SORCS2: variants seen among roughly 807,000 people sequenced by gnomAD.
The protein encoded by SORCS2 is VPS10 domain-containing receptor SorCS2.
A neutral mutation model predicts 141.6 loss-of-function variants in SORCS2; 100 were observed. The ratio of observed to expected loss-of-function variants is 0.71; its 90% confidence interval spans 0.60 to 0.83. SORCS2 has a LOEUF of 0.83. Among genes scored for constraint, SORCS2 ranks in the 40% least tolerant of loss-of-function variants. The pLI is 0.00. For synonymous variants in SORCS2, 789 were observed against 676.9 expected (o/e 1.17, Z -2.57); for missense variants, 1,646 against 1,560.2 (o/e 1.05, Z -0.93).
chr4:7,389,141 A>T (rs1388716483), intron 1 of SORCS2, among the ~76,000 whole-genome samples: 1 of 152,032 alleles, frequency 6.6e-6, no homozygotes, highest in Non-Finnish European at 1.5e-5. Context: ...GTTCCTGCCC[A>T]TCCTGCCTGC....
At chr4:7,552,700 C>T (rs964015833) in intron 3 of SORCS2, among the ~76,000 whole-genome samples, 1 of 152,158 alleles carries the variant, frequency 6.6e-6, no homozygotes, top group African/African-American at 2.4e-5. Flanking sequence ...CATCTCCTCA[C>T]TCATGCACGC....
chr4:7,593,764 C>G (rs901036482), intron 3 of SORCS2, among the ~76,000 whole-genome samples: 1 of 152,160 alleles, frequency 6.6e-6, no homozygotes, highest in Non-Finnish European at 1.5e-5. Flanking sequence ...TGCAGCTGAG[C>G]GGCTGTAACT....
intron 3 of SORCS2, among the ~76,000 whole-genome samples, chr4:7,586,970 A>G (rs1716577745): frequency 6.6e-6 from 1 of 151,984 alleles, no homozygotes. Flanking sequence ...TGGACTGTAG[A>G]GCTCAGAGTA....
chr4:7,443,171 A>G (rs1285077958), intron 2 of SORCS2, among the ~76,000 whole-genome samples: 2 of 152,228 alleles, frequency 1.3e-5, no homozygotes, highest in Non-Finnish European at 2.9e-5. Flanking sequence ...CACAGGTACC[A>G]GGGTTAGGAC....
At chr4:7,516,524 G>C (rs1732993199) in intron 2 of SORCS2, among the ~76,000 whole-genome samples, 1 of 152,012 alleles carries the variant, frequency 6.6e-6, no homozygotes, top group Non-Finnish European at 1.5e-5. Flanking sequence ...TGCGTCTGCA[G>C]ATTTTATCCG....
chr4:7,192,994 C>G lies in SORCS2; in HGVS notation c.348C>G (p.Arg116=). The change falls in exon 1 of 27, where the codon CGC becomes CGG. Residue 116 remains arginine (R), a synonymous_variant. Transcript: ENST00000507866. The surrounding 1 kb of genome is among the most constrained non-coding windows in gnomAD (Gnocchi z 4.0). The part of the protein sequence containing the change: ...EDGAPAAGYR[R]WERAAPLAGV... ...GCGCCCCCGCCGCGGGCTACCGGCG[C>G]TGGGAGCGGGCGGCGCCGCTGGCCG... 1 of 1,447,068 alleles carries G rather than the reference C, an allele frequency of 6.9e-7. No homozygotes were observed. The highest frequency in any genetic ancestry group is 1.4e-5 in the South Asian group (1 of 73,196). The allele number at this position is 1,447,068 out of a possible 1,614,324, so 89.6% of individuals were successfully genotyped here.
At chr4:7,457,048 C>G (rs1728956636) in intron 2 of SORCS2, among the ~76,000 whole-genome samples, 2 of 152,174 alleles carry the variant, frequency 1.3e-5, no homozygotes, top group South Asian at 4.1e-4. Context: ...CTGTCCATCC[C>G]TGCTCCTTGA....
intron 1 of SORCS2, among the ~76,000 whole-genome samples, chr4:7,319,864 G>A (rs1210458572): frequency 6.6e-6 from 1 of 152,268 alleles, no homozygotes; most frequent in African/African-American, 2.4e-5. Context: ...GCCGGGGCCT[G>A]TACTCTGCTT....
At chr4:7,434,788 G>T (rs745367921) in intron 2 of SORCS2, 2 of 1,611,264 alleles carry the variant, frequency 1.2e-6, no homozygotes, top group Non-Finnish European at 1.7e-6. Context: ...ACACCACACC[G>T]TGGAGCCCTT....
chr4:7,518,851 G>C (rs948593159), intron 2 of SORCS2, among the ~76,000 whole-genome samples: 1 of 151,712 alleles, frequency 6.6e-6, no homozygotes, highest in Non-Finnish European at 1.5e-5. Context: ...AATTAACCCA[G>C]AAGTCGCGGG....
chr4:7,241,558 TG>T (rs1213763085), intron 1 of SORCS2, among the ~76,000 whole-genome samples: 1 of 152,154 alleles, frequency 6.6e-6, no homozygotes, highest in African/African-American at 2.4e-5. Flanking sequence ...ATGGTTGTGA[TG>T]GCGTCAGATG....
chr4:7,525,420 G>C (rs542785308), intron 2 of SORCS2, among the ~76,000 whole-genome samples: 1 of 152,140 alleles, frequency 6.6e-6, no homozygotes, highest in African/African-American at 2.4e-5. Context: ...GGGCTGCCCA[G>C]GGAGCAGCAG....
chr4:7,222,011 C>T (rs1157568088), intron 1 of SORCS2, among the ~76,000 whole-genome samples: 3 of 152,014 alleles, frequency 2.0e-5, no homozygotes, highest in African/African-American at 7.3e-5. Flanking sequence ...GAAAATGGAG[C>T]AAGTGATGAC....
chr4:7,325,365 C>T (rs151291173), intron 1 of SORCS2, among the ~76,000 whole-genome samples: 46 of 152,290 alleles, frequency 3.0e-4, no homozygotes, highest in African/African-American at 7.5e-4. Context: ...ACCTACCTCC[C>T]GTGGTGCCCA....
At chr4:7,583,003 A>G (rs1442580814) in intron 3 of SORCS2, among the ~76,000 whole-genome samples, 1 of 136,842 alleles carries the variant, frequency 7.3e-6, no homozygotes, top group African/African-American at 2.6e-5. Flanking sequence ...TAGCTGTTCA[A>G]TTCACATTTG....
intron 1 of SORCS2, among the ~76,000 whole-genome samples, chr4:7,289,179 GT>G (rs1460335363): frequency 6.6e-6 from 1 of 152,204 alleles, no homozygotes; most frequent in African/African-American, 2.4e-5. Context: ...TATTCCAGTA[GT>G]TGGGTGCTTT....
intron 10 of SORCS2, among the ~76,000 whole-genome samples, chr4:7,684,824 C>T (rs1723772718): frequency 6.6e-6 from 1 of 152,152 alleles, no homozygotes; most frequent in Non-Finnish European, 1.5e-5. Context: ...CTCCCCACCA[C>T]CACCACCAGC....
At chr4:7,600,942 A>G (rs1010438340) in intron 3 of SORCS2, among the ~76,000 whole-genome samples, 7 of 152,186 alleles carry the variant, frequency 4.6e-5, no homozygotes, top group Admixed American at 1.3e-4. Context: ...CTGGTGGGCA[A>G]TGGCATGGTC....
chr4:7,473,705 G>C (rs896947114), intron 2 of SORCS2, among the ~76,000 whole-genome samples: 2 of 152,114 alleles, frequency 1.3e-5, no homozygotes, highest in Non-Finnish European at 2.9e-5. Context: ...GGGCCTTTTG[G>C]GAGGAACTGC....
Sources: gnomAD v4.1 joint callset for allele counts (sites outside exome capture counted in the v4.1 genomes callset) on GRCh38, gnomAD v4.1.1 for gene constraint, Gnocchi (gnomAD v3.1) non-coding constraint, MANE v1.5 for transcripts, NCBI Gene and HGNC (gene_info 2026-07-23, HGNC 2026-07-21) for gene names.